The following EXD3 variants were observed in gnomAD, a reference collection of about 807,000 sequenced individuals.
The protein encoded by EXD3 is exonuclease mut-7 homolog.
A neutral mutation model predicts 98.0 loss-of-function variants in EXD3; 92 were observed. That is an observed-to-expected ratio of 0.94 (90% CI 0.79 to 1.12). The LOEUF (loss-of-function observed/expected upper bound fraction) is 1.12. EXD3 is among the 50% of genes most tolerant of loss of function. EXD3 has a pLI of 0.00. For missense variants in EXD3, 1,222 were observed against 1,191.6 expected, an observed-to-expected ratio of 1.03 and a Z score of -0.38; for synonymous variants, 569 against 526.0, an observed-to-expected ratio of 1.08 and a Z score of -1.12.
At chr9:137,329,381 AG>A (rs369165540) in intron 17 of EXD3, among the ~76,000 whole-genome samples, 3 of 7,360 alleles carry the variant, frequency 4.1e-4, no homozygotes, top group Non-Finnish European at 7.1e-4. Context: ...GCTACACGGG[AG>A]CTACACGGGA....
chr9:137,350,080 G>A (rs868520617), intron 14 of EXD3, among the ~76,000 whole-genome samples: 27 of 99,050 alleles, frequency 2.7e-4, no homozygotes, highest in African/African-American at 1.1e-3. Flanking sequence ...TGGGGATCAC[G>A]AGGAGGGGCT....
In EXD3 at chr9:137,405,224, G is replaced by C. The variant is rs1041535181; in HGVS notation, c.-47-9820C>G. 6.6e-6 allele frequency among the ~76,000 whole-genome samples: 1 copy of C among 152,206 alleles called. No individual in the cohort carries two copies. The highest frequency in any genetic ancestry group is 2.4e-5 in the African/African-American group (1 of 41,454). On this transcript the variant is annotated intron_variant, in intron 1 of 21. Coordinates refer to ENST00000340951, the MANE Select transcript of EXD3 (RefSeq NM_017820.5). This position sits in a 1 kb window ranked among gnomAD's most constrained non-coding sequence, Gnocchi z 4.1. Reference sequence around the variant, plus strand: ...GACCTCCTAACTGCGCTGGGGTCCGGCACAGTGGGCTCTGACCCACAGAGG... The same window carrying C: ...GACCTCCTAACTGCGCTGGGGTCCGCCACAGTGGGCTCTGACCCACAGAGG...
chr9:137,394,862 C>A (rs1221830388), intron 2 of EXD3, among the ~76,000 whole-genome samples: 1 of 152,166 alleles, frequency 6.6e-6, no homozygotes, highest in African/African-American at 2.4e-5. Context: ...GGAGGCCACC[C>A]TGGAACCGCC....
rs181613956 is a variant in EXD3 at position 137,344,412 on chromosome 9, G to A, written c.1998+3659C>T. On this transcript the variant is annotated intron_variant, in intron 17 of 21. Transcript: ENST00000340951. Reference sequence around the variant, plus strand: ...TTTACTATCAAGAACTGGCTTCCATGCTTGCAGTGGCTGACGAGACATGTC... The same window carrying A: ...TTTACTATCAAGAACTGGCTTCCATACTTGCAGTGGCTGACGAGACATGTC... Among the ~76,000 whole-genome samples the A allele has an allele frequency of 3.3e-5, 5 of 152,302 alleles. No homozygotes were observed. The East Asian group carries it at 9.6e-4, about 29-fold the overall frequency.
In EXD3 at chr9:137,405,867, A is replaced by G. The variant is rs1837689214; in HGVS notation, c.-47-10463T>C. 1.3e-5 allele frequency among the ~76,000 whole-genome samples: 2 copies of G among 152,250 alleles called. No individual in the cohort carries two copies. Among genetic ancestry groups the G allele is most frequent in the African/African-American group, 4.8e-5 (2 of 41,466 alleles). On this transcript the variant is annotated intron_variant, in intron 1 of 21. Transcript: ENST00000340951. The surrounding 1 kb of genome is among the most constrained non-coding windows in gnomAD (Gnocchi z 4.1). Reference sequence around the variant, plus strand: ...ACCCTTGGTGGGACCCGCTGCCCACAGACACCTTGCCCGTGCCCCAATGCC... The same window carrying G: ...ACCCTTGGTGGGACCCGCTGCCCACGGACACCTTGCCCGTGCCCCAATGCC...
In EXD3 at chr9:137,307,639, C is replaced by T. The variant is rs375297381; in HGVS notation, c.2286G>A (p.Glu762=). The T allele has an allele frequency of 5.0e-6, 8 of 1,609,844 alleles. No individual in the cohort carries two copies. The Middle Eastern group carries it at 4.9e-4, about 99-fold the overall frequency. ...HQEGPRSSGD[E]ATQSQAVQEP... ...CCTGCACCGCCTGGCTCTGGGTGGC[C>T]TCGTCACCTGTCAGTCAAGGAAGAG... The change falls in exon 21 of 22, where the codon GAG becomes GAA. Residue 762 remains glutamate (E), a synonymous_variant. Transcript: ENST00000340951.
chr9:137,345,671 A>AAAAAAAAAAAAAAAAAAAAAAAG (rs1554807528), intron 17 of EXD3: 5 of 151,034 alleles, frequency 3.3e-5, no homozygotes, highest in African/African-American at 9.8e-5. Context: ...CAAAAAAAAA[A>AAAAAAAAAAAAAAAAAAAAAAAG]AAAAGGAAAG....
intron 19 of EXD3, among the ~76,000 whole-genome samples, chr9:137,311,267 G>A (rs1831345684): frequency 6.6e-6 from 1 of 152,322 alleles, no homozygotes; most frequent in South Asian, 2.1e-4. Flanking sequence ...CTGGCCTCTG[G>A]GCCCAGCCCA....
chr9:137,389,056 C>T (rs1836759972), intron 2 of EXD3, among the ~76,000 whole-genome samples: 1 of 152,202 alleles, frequency 6.6e-6, no homozygotes, highest in Admixed American at 6.5e-5. Flanking sequence ...GGGCCTCCGT[C>T]CCTCTGCCAC....
chr9:137,348,250 C>T lies in EXD3; in HGVS notation c.1831-12G>A. On this transcript the variant is annotated splice_polypyrimidine_tract_variant and intron_variant, in intron 16 of 21. Coordinates refer to ENST00000340951, the MANE Select transcript of EXD3 (RefSeq NM_017820.5). ...ACAGCCACAGGGACCTGCAGTGAGGCCCTGGTCAGCAGTCCCACGGTCACC... is the reference window on the plus strand; with the variant it reads ...ACAGCCACAGGGACCTGCAGTGAGGTCCTGGTCAGCAGTCCCACGGTCACC... 6.2e-7 allele frequency: 1 copy of T among 1,608,634 alleles called. No individual in the cohort carries two copies. The highest frequency in any genetic ancestry group is 8.5e-7 in the Non-Finnish European group (1 of 1,178,330).
At chr9:137,404,885 C>T (rs116251839) in intron 1 of EXD3, among the ~76,000 whole-genome samples, 1,669 of 151,824 alleles carry the variant, frequency 0.011, 33 homozygotes, top group African/African-American at 0.038. Flanking sequence ...CACTAAAAGC[C>T]ACAGTCCCCT....
chr9:137,355,534 A>AGGAGGAT (rs1834644639), intron 8 of EXD3, among the ~76,000 whole-genome samples: 3 of 82,044 alleles, frequency 3.7e-5, no homozygotes, highest in East Asian at 4.1e-4. Context: ...GGATGGAGGA[A>AGGAGGAT]GGAGGAAGGA....
At chr9:137,406,938 G>A (rs1158704835) in intron 1 of EXD3, among the ~76,000 whole-genome samples, 3 of 152,064 alleles carry the variant, frequency 2.0e-5, no homozygotes, top group Non-Finnish European at 4.4e-5. Context: ...CAGGCCGTCA[G>A]GCTCCGAGAG....
At chr9:137,378,413 G>GT (rs1479095723) in intron 3 of EXD3, among the ~76,000 whole-genome samples, 1 of 152,094 alleles carries the variant, frequency 6.6e-6, no homozygotes, top group Non-Finnish European at 1.5e-5. Context: ...TTTCGCCATT[G>GT]TTGGCCAGGC....
chr9:137,377,266 T>C (rs952045999), intron 3 of EXD3: 1 of 152,004 alleles, frequency 6.6e-6, no homozygotes, highest in African/African-American at 2.4e-5. Context: ...CTGTGCAACA[T>C]AGCGGAACTC....
At chr9:137,389,668 G>T (rs948280741) in intron 2 of EXD3, among the ~76,000 whole-genome samples, 2 of 152,138 alleles carry the variant, frequency 1.3e-5, no homozygotes, top group African/African-American at 2.4e-5. Context: ...GAGAGGGACA[G>T]TGAGACCAGC....
intron 17 of EXD3, among the ~76,000 whole-genome samples, chr9:137,330,607 C>T (rs1437627397): frequency 7.1e-6 from 1 of 141,358 alleles, no homozygotes; most frequent in East Asian, 2.2e-4. Context: ...CACAGGACTA[C>T]ACAGGACTAC....
In EXD3 at chr9:137,338,880, G is replaced by A. The variant is rs949590641; in HGVS notation, c.1998+9191C>T. 7.5e-4 allele frequency among the ~76,000 whole-genome samples: 108 copies of A among 143,654 alleles called. 1 individual carries two copies. Among genetic ancestry groups the A allele is most frequent in the Non-Finnish European group, 1.3e-3 (89 of 66,690 alleles). The allele number at this position is 143,654 out of a possible 152,430, so 94.2% of individuals were successfully genotyped here. A position where few individuals can be genotyped will look rare whatever the true frequency, so the allele number is the denominator to read the frequency against. On this transcript the variant is annotated intron_variant, in intron 17 of 21. Transcript: ENST00000340951. ...TGCACTCCAGCCTGGGCAACAGAGC[G>A]AGACTCCATCTCAAAAAAAAAAAAA...
chr9:137,356,728 G>A (rs553488555), intron 7 of EXD3, among the ~76,000 whole-genome samples: 35 of 152,316 alleles, frequency 2.3e-4, no homozygotes, highest in Non-Finnish European at 4.3e-4. Context: ...GCTGTGCAAC[G>A]GCCTCAACGG....
Sources: allele counts gnomAD v4.1 joint callset (sites outside exome capture counted in the v4.1 genomes callset), GRCh38; gene constraint gnomAD v4.1.1; non-coding constraint Gnocchi (gnomAD v3.1); transcripts MANE v1.5; gene names NCBI Gene and HGNC (gene_info 2026-07-23, HGNC 2026-07-21).